DLG2: variants seen among roughly 807,000 people sequenced by gnomAD.
The protein encoded by DLG2 is discs large MAGUK scaffold protein 2.
Under a neutral mutation model 132.5 loss-of-function variants are expected in DLG2, and 45 were observed. That is an observed-to-expected ratio of 0.34 (90% CI 0.27 to 0.44). The LOEUF is 0.44. Among genes scored for constraint, DLG2 ranks in the 20% least tolerant of loss-of-function variants. The probability of loss-of-function intolerance (pLI) is 1.00; values close to 1 mark genes in which losing one functional copy is unlikely to be tolerated. For missense variants in DLG2, 1,045 were observed against 1,196.9 expected (o/e 0.87, Z 1.87); for synonymous variants, 424 against 419.6 (o/e 1.01, Z -0.13).
In DLG2 at chr11:85,335,358, C is replaced by T. The variant is rs1234786631; in HGVS notation, c.41-49993G>A. On this transcript the variant is annotated intron_variant, in intron 3 of 27. Transcript: ENST00000376104. ...AAAGACAGCATACAGTTGGGTCTTTCTTCTTTATCCAATTTGCCACTCTTT... is the reference window on the plus strand; with the variant it reads ...AAAGACAGCATACAGTTGGGTCTTTTTTCTTTATCCAATTTGCCACTCTTT... 2.0e-5 allele frequency among the ~76,000 whole-genome samples: 3 copies of T among 151,762 alleles called. No homozygotes were observed. The East Asian group carries it at 5.8e-4, about 29-fold the overall frequency.
intron 3 of DLG2, among the ~76,000 whole-genome samples, chr11:85,410,771 G>A (rs1466195848): frequency 6.6e-6 from 1 of 151,878 alleles, no homozygotes; most frequent in Non-Finnish European, 1.5e-5. Flanking sequence ...AGTAAGTGAT[G>A]TGTTACAGGG....
intron 3 of DLG2, among the ~76,000 whole-genome samples, chr11:85,336,806 C>A (rs1220153799): frequency 6.6e-6 from 1 of 152,178 alleles, no homozygotes; most frequent in Admixed American, 6.5e-5. Flanking sequence ...ACCACTTTCA[C>A]TTCATTAGTA....
chr11:83,943,310 G>A (rs572932835), intron 14 of DLG2, among the ~76,000 whole-genome samples: 55 of 152,276 alleles, frequency 3.6e-4, no homozygotes, highest in African/African-American at 1.2e-3. Context: ...TGTAACTCCA[G>A]GGGAGGACTG....
chr11:85,584,114 G>A (rs1250440450), intron 3 of DLG2, among the ~76,000 whole-genome samples: 1 of 152,068 alleles, frequency 6.6e-6, no homozygotes, highest in Non-Finnish European at 1.5e-5. Flanking sequence ...TACCTAAGCA[G>A]TGTACTTGGG....
At chr11:84,581,788 T>G (rs970798469) in intron 6 of DLG2, among the ~76,000 whole-genome samples, 1 of 151,658 alleles carries the variant, frequency 6.6e-6, no homozygotes, top group African/African-American at 2.4e-5. Context: ...GTGCCTGTAC[T>G]CCCAGCTACT....
intron 3 of DLG2, among the ~76,000 whole-genome samples, chr11:85,456,078 G>A (rs1165644411): frequency 2.0e-5 from 3 of 152,126 alleles, no homozygotes; most frequent in African/African-American, 7.2e-5. Context: ...ACAACTAGTT[G>A]AATTCAACTG....
At chr11:84,961,238 T>C (rs1045989962) in intron 6 of DLG2, among the ~76,000 whole-genome samples, 2 of 151,784 alleles carry the variant, frequency 1.3e-5, no homozygotes, top group Non-Finnish European at 2.9e-5. Context: ...GAATGTATAA[T>C]TGATAGTAGA....
At chr11:84,762,955 A>G (rs562209529) in intron 6 of DLG2, among the ~76,000 whole-genome samples, 7 of 152,260 alleles carry the variant, frequency 4.6e-5, no homozygotes, top group Admixed American at 3.3e-4. Context: ...TCAACTTAAT[A>G]TCCAAATTGA....
intron 17 of DLG2, among the ~76,000 whole-genome samples, chr11:83,829,722 T>C (rs1055435927): frequency 1.3e-5 from 2 of 149,590 alleles, no homozygotes; most frequent in African/African-American, 2.5e-5. Context: ...ACCTTGAAGC[T>C]AGCCATTTTC....
chr11:84,718,627 T>G (rs1187165818), intron 6 of DLG2, among the ~76,000 whole-genome samples: 4 of 152,218 alleles, frequency 2.6e-5, no homozygotes, highest in African/African-American at 9.6e-5. Context: ...ATAATTCACC[T>G]TTGTTAAATA....
intron 3 of DLG2, among the ~76,000 whole-genome samples, chr11:85,434,956 CA>C (rs2091397012): frequency 6.6e-6 from 1 of 152,134 alleles, no homozygotes; most frequent in African/African-American, 2.4e-5. Context: ...AGCAGCAAAT[CA>C]AAAAGCTTAT....
intron 6 of DLG2, among the ~76,000 whole-genome samples, chr11:84,991,523 A>AAAAAAG (rs1555331856): frequency 8.6e-5 from 10 of 116,318 alleles, no homozygotes; most frequent in East Asian, 2.7e-4. Context: ...AAAAAAAAAA[A>AAAAAAG]AAAGAAAGAA....
At chr11:84,830,859 T>C (rs1247914967) in intron 6 of DLG2, among the ~76,000 whole-genome samples, 1 of 151,424 alleles carries the variant, frequency 6.6e-6, no homozygotes, top group African/African-American at 2.4e-5. Context: ...ATTACCTCTC[T>C]TAATGAAATA....
chr11:84,203,918 T>C (rs1597360526), intron 8 of DLG2, among the ~76,000 whole-genome samples: 1 of 152,162 alleles, frequency 6.6e-6, no homozygotes, highest in Non-Finnish European at 1.5e-5. Flanking sequence ...ATCCTGCACA[T>C]GTGTCCCTGA....
At chr11:84,253,996 T>C (rs1474845147) in intron 7 of DLG2, among the ~76,000 whole-genome samples, 2 of 152,168 alleles carry the variant, frequency 1.3e-5, no homozygotes, top group African/African-American at 4.8e-5. Context: ...GGTTAGACGT[T>C]GAACACAGTC....
intron 6 of DLG2, among the ~76,000 whole-genome samples, chr11:85,023,828 T>A (rs2060287341): frequency 6.6e-6 from 1 of 152,094 alleles, no homozygotes; most frequent in African/African-American, 2.4e-5. Flanking sequence ...TTATATTATT[T>A]CATATCCTCA....
At chr11:85,514,339 G>A (rs1447686183) in intron 3 of DLG2, among the ~76,000 whole-genome samples, 1 of 151,936 alleles carries the variant, frequency 6.6e-6, no homozygotes, top group Non-Finnish European at 1.5e-5. Context: ...GATACACCTA[G>A]GTTTAAAGAG....
chr11:84,642,899 A>G (rs1018206306), intron 6 of DLG2, among the ~76,000 whole-genome samples: 6 of 152,198 alleles, frequency 3.9e-5, no homozygotes, highest in African/African-American at 1.4e-4. Flanking sequence ...TGATTTAGCT[A>G]TTTTAAAAGA....
At chr11:84,235,751 T>C (rs2097149743) in intron 8 of DLG2, among the ~76,000 whole-genome samples, 1 of 152,222 alleles carries the variant, frequency 6.6e-6, no homozygotes, top group Admixed American at 6.5e-5. Context: ...AATTAACTTT[T>C]ATTACAACTA....
Sources: gnomAD v4.1 joint callset for allele counts (sites outside exome capture counted in the v4.1 genomes callset) on GRCh38, gnomAD v4.1.1 for gene constraint, MANE v1.5 for transcripts, NCBI Gene and HGNC (gene_info 2026-07-23, HGNC 2026-07-21) for gene names.